AIFM1: variants seen among roughly 807,000 people sequenced by gnomAD.
The protein encoded by AIFM1 is apoptosis inducing factor mitochondria associated 1, also known as apoptosis-inducing factor 1, mitochondrial.
AIFM1 carries 3 observed loss-of-function variants against 51.7 expected under a neutral mutation model. The ratio of observed to expected loss-of-function variants is 0.06; its 90% confidence interval spans 0.03 to 0.15. The LOEUF (loss-of-function observed/expected upper bound fraction) is 0.15. AIFM1 is among the 10% of genes least tolerant of loss of function. The pLI is 1.00. For synonymous variants in AIFM1, 178 were observed against 179.4 expected, an observed-to-expected ratio of 0.99 and a Z score of 0.06; for missense variants, 330 against 476.8, an observed-to-expected ratio of 0.69 and a Z score of 2.87.
intron 11 of AIFM1, 112 bp downstream of exon 11, chrX:130,136,531 A>G (rs765632134): frequency 2.9e-6 from 2 of 698,309 alleles, no homozygotes; most frequent in Non-Finnish European, 4.6e-6. Context: ...TATCAGGTTA[A>G]TGGCAACTGC....
chrX:130,135,923 A>G, intron 12 of AIFM1, 122 bp downstream of exon 12: 1 of 947,305 alleles, frequency 1.1e-6, no homozygotes, highest in Non-Finnish European at 1.5e-6. Flanking sequence ...CTGTACCCTC[A>G]GCCTCCAAAC....
At chrX:130,132,098 C>T (rs2030111497) in intron 13 of AIFM1, among the ~76,000 whole-genome samples, 1 of 111,436 alleles carries the variant, frequency 9.0e-6, no homozygotes, top group South Asian at 3.8e-4. Context: ...TCTTGAACTC[C>T]TGACCTCAAG....
rs756883753 is a variant in AIFM1 at position 130,147,860 on chromosome X, T to C, written c.366A>G (p.Glu122=). 94 of 1,210,116 alleles carry C rather than the reference T, an allele frequency of 7.8e-5. No homozygotes were observed. Among genetic ancestry groups the C allele is most frequent in the African/African-American group, 1.7e-5 (1 of 57,227 alleles). ...GACTTGGCGCCTTGTCTTGAGGAAC[T>C]TCCTCTCCTTCTGAAGCTGAAAGCA... ...KAALSASEGE[E]VPQDKAPSHV... Residue 122 remains glutamate (E), a synonymous_variant, in exon 4 of 16, where the codon GAA becomes GAG. Coordinates refer to ENST00000287295, the MANE Select transcript of AIFM1 (RefSeq NM_004208.4).
chrX:130,136,331 A>G, intron 11 of AIFM1, 146 bp from the exon 12 acceptor site: 1 of 726,091 alleles, frequency 1.4e-6, no homozygotes, highest in Non-Finnish European at 2.1e-6. Context: ...TTTAAGTTCT[A>G]TTTCATAAGC....
intron 1 of AIFM1, among the ~76,000 whole-genome samples, chrX:130,162,651 T>C (rs1170432287): frequency 8.9e-6 from 1 of 112,061 alleles, no homozygotes; most frequent in Non-Finnish European, 1.9e-5. Context: ...CATTTGGCAG[T>C]GTCCAGGAAG....
chrX:130,149,185 G>C (rs1465055933), intron 3 of AIFM1, among the ~76,000 whole-genome samples: 1 of 111,499 alleles, frequency 9.0e-6, no homozygotes, highest in Non-Finnish European at 1.9e-5. Flanking sequence ...GCCTCACAAA[G>C]TGCTGGGATG....
At chrX:130,161,502 C>A in intron 1 of AIFM1, among the ~76,000 whole-genome samples, 1 of 72,831 alleles carries the variant, frequency 1.4e-5, no homozygotes, top group Non-Finnish European at 2.4e-5. Context: ...CAGAGCAAGA[C>A]TCTGTTTGAA....
chrX:130,130,038 G>A lies in AIFM1; in HGVS notation c.1702C>T (p.Leu568Phe). 1 of 1,211,829 alleles carries A rather than the reference G, an allele frequency of 8.3e-7. No individual in the cohort carries two copies. The highest frequency in any genetic ancestry group is 1.1e-6 in the Non-Finnish European group (1 of 895,548). ...ATCCCCACGACCACTTTGTCCCTGA[G>A]GTAGAAGATGACACCTTTGCCGTAG... ...EDYGKGVIFY[L>F]RDKVVVGIVL... Residue 568 changes from leucine (L) to phenylalanine (F), a missense_variant, in exon 15 of 16, where the codon CTC (leucine) becomes TTC (phenylalanine). Physicochemically the swap from Leu to Phe is conservative, Grantham distance 22 (BLOSUM62 0). This residue lies in a region of AIFM1 where 56 missense variants were observed against 48.8 expected (regional missense o/e 1.15). Coordinates refer to ENST00000287295, the MANE Select transcript of AIFM1 (RefSeq NM_004208.4).
At chrX:130,142,925 A>C (rs1318371221) in intron 6 of AIFM1, among the ~76,000 whole-genome samples, 2 of 111,938 alleles carry the variant, frequency 1.8e-5, no homozygotes, top group Admixed American at 9.5e-5. Context: ...TGAACCGCCA[A>C]ATCTCACAGT....
Position 130,130,089 on chromosome X carries a change from G to C in AIFM1, c.1651C>G (p.Pro551Ala). 1 of 1,211,830 alleles carries C rather than the reference G, an allele frequency of 8.3e-7. No homozygotes were observed. The highest frequency in any genetic ancestry group is 1.1e-6 in the Non-Finnish European group (1 of 895,498). Residue 551 changes from proline to alanine, a missense_variant, in exon 15 of 16, where the codon CCA (proline) becomes GCA (alanine). Transcript: ENST00000287295. ...TCCTCCCCCTGGACGGGAGCCTGTG[G>C]AACTGCCGGGGTGCTGGGAGGAATA... ...ITIPPSTPAVPQAPVQGEDYG... is the reference protein window; with the variant it reads ...ITIPPSTPAVAQAPVQGEDYG...
chrX:130,139,898 T>C (rs1166899153), intron 7 of AIFM1, 27 bp from the exon 8 acceptor site: 3 of 1,164,193 alleles, frequency 2.6e-6, no homozygotes, highest in Non-Finnish European at 3.5e-6. Flanking sequence ...GAAAACCCTT[T>C]AGCCCAACAA....
intron 1 of AIFM1, among the ~76,000 whole-genome samples, chrX:130,165,084 T>A (rs942461716): frequency 9.1e-6 from 1 of 110,397 alleles, no homozygotes; most frequent in African/African-American, 3.3e-5. Context: ...CGTTTCTGTT[T>A]CACTGGGCAT....
rs1405421428 is a variant in AIFM1, at chrX:130,135,567, G to C, written c.1305+478C>G. ...CTAGCAATGGGGAAATTACCTCATG[G>C]TTCCTACATACTATAGTCTTGTTTA... is the stretch of plus-strand genomic sequence containing the variant. On this transcript the variant is annotated intron_variant, in intron 12 of 15. Transcript: ENST00000287295. Among the ~76,000 whole-genome samples the C allele has an allele frequency of 5.5e-5, 6 of 109,904 alleles. No individual in the cohort carries two copies. In the East Asian group the frequency reaches 1.4e-3, roughly 26 times the overall value.
intron 7 of AIFM1, among the ~76,000 whole-genome samples, chrX:130,140,294 G>A (rs1414485190): frequency 8.9e-6 from 1 of 112,241 alleles, no homozygotes; most frequent in East Asian, 2.8e-4. Context: ...GGGTTAAGCA[G>A]GGAGAGAAAA....
chrX:130,149,884 G>T (rs2030898584), intron 2 of AIFM1, among the ~76,000 whole-genome samples: 1 of 112,149 alleles, frequency 8.9e-6, no homozygotes, highest in African/African-American at 3.2e-5. Context: ...TATACTAGAA[G>T]AATAAAGTGC....
rs1397274227 is a variant in AIFM1, at chrX:130,129,436, C to A, written c.*121G>T. On this transcript the variant is annotated 3_prime_UTR_variant, in exon 16 of 16. Coordinates refer to ENST00000287295, the MANE Select transcript of AIFM1 (RefSeq NM_004208.4). ...TTACCTACATAGTTGAAAATATTCA[C>A]AAAGGACTTGATCATTCACACTCAT... 12 of 582,581 alleles carry A rather than the reference C, an allele frequency of 2.1e-5. No individual in the cohort carries two copies. The highest frequency in any genetic ancestry group is 3.0e-5 in the Non-Finnish European group (10 of 330,540). 48.0% of individuals were successfully genotyped at this position (582,581 alleles called of 1,213,427 possible).
chrX:130,154,554 C>T (rs2031102370), intron 2 of AIFM1, among the ~76,000 whole-genome samples: 1 of 112,147 alleles, frequency 8.9e-6, no homozygotes, highest in African/African-American at 3.2e-5. Flanking sequence ...GCTTCAGCCA[C>T]TAGTTTGACC....
intron 5 of AIFM1, among the ~76,000 whole-genome samples, chrX:130,146,412 C>G (rs1173430805): frequency 1.8e-5 from 2 of 109,180 alleles, no homozygotes; most frequent in Non-Finnish European, 3.8e-5. Context: ...CCACTGCACT[C>G]CAGCATGGGT....
In AIFM1 at chrX:130,165,649, C is replaced by T. The variant is rs769299264; in HGVS notation, c.8G>A (p.Arg3Gln). ...AGCACCCGCCGCCAGGCCTCCACAC[C>T]GGAACATTTCGGCGACCGCTATTCG... MF[R>Q]CGGLAAGALK... The change falls in exon 1 of 16, where the codon CGG becomes CAG. Residue 3 changes from arginine to glutamine, a missense_variant. Coordinates refer to ENST00000287295, the MANE Select transcript of AIFM1 (RefSeq NM_004208.4). The T allele has an allele frequency of 4.1e-5, 49 of 1,191,885 alleles. No homozygotes were observed. Among genetic ancestry groups the T allele is most frequent in the Non-Finnish European group, 5.4e-5 (48 of 884,310 alleles).
Sources: allele counts gnomAD v4.1 joint callset (sites outside exome capture counted in the v4.1 genomes callset), GRCh38; gene constraint gnomAD v4.1.1; regional missense constraint gnomAD v4.1.1; transcripts MANE v1.5; gene names NCBI Gene and HGNC (gene_info 2026-07-23, HGNC 2026-07-21).